The following CDH18 variants were observed in gnomAD, a reference collection of about 807,000 sequenced individuals.
CDH18 encodes the protein cadherin 18, also known as cadherin-18.
Under a neutral mutation model 67.9 loss-of-function variants are expected in CDH18, and 31 were observed. The ratio of observed to expected loss-of-function variants is 0.46; its 90% confidence interval spans 0.34 to 0.62. The LOEUF is 0.62. Ranked by LOEUF, CDH18 falls within the 20% of genes least tolerant of loss-of-function variation. CDH18 has a pLI of 0.01. For synonymous variants in CDH18, 362 were observed against 347.2 expected (o/e 1.04, Z -0.48); for missense variants, 890 against 975.5 (o/e 0.91, Z 1.17).
At chr5:20,485,446 T>A (rs537542871) in intron 1 of CDH18, among the ~76,000 whole-genome samples, 144 of 152,310 alleles carry the variant, frequency 9.5e-4, no homozygotes, top group Non-Finnish European at 1.6e-3. Context: ...CAAGAACATA[T>A]ACTTGTGGAA....
chr5:20,178,075 T>C (rs1737382069), intron 2 of CDH18, among the ~76,000 whole-genome samples: 2 of 152,154 alleles, frequency 1.3e-5, no homozygotes, highest in African/African-American at 4.8e-5. Context: ...ACAAAAAGGA[T>C]GACTCTTTCT....
At chr5:20,572,186 C>A (rs886383734) in intron 1 of CDH18, among the ~76,000 whole-genome samples, 2 of 151,054 alleles carry the variant, frequency 1.3e-5, no homozygotes, top group African/African-American at 4.9e-5. Context: ...GTAAAACATT[C>A]TTTTATCTTC....
chr5:19,744,421 C>T (rs941760463), intron 4 of CDH18, among the ~76,000 whole-genome samples: 2 of 151,780 alleles, frequency 1.3e-5, no homozygotes, highest in Non-Finnish European at 2.9e-5. Context: ...GCAAAAATTA[C>T]TTTATGCCTT....
At chr5:19,846,078 T>C (rs952868426) in intron 2 of CDH18, among the ~76,000 whole-genome samples, 5 of 152,096 alleles carry the variant, frequency 3.3e-5, no homozygotes, top group African/African-American at 4.8e-5. Context: ...GCTATTTTTA[T>C]CCCTGTTTTC....
rs559024209 is a variant in CDH18, at chr5:20,016,037, T to C, written c.-517-24023A>G. Among the ~76,000 whole-genome samples, 91 of 152,184 alleles carry C rather than the reference T, an allele frequency of 6.0e-4. No individual in the cohort carries two copies. The Middle Eastern group carries it at 0.014, about 23-fold the overall frequency. On this transcript the variant is annotated intron_variant, in intron 2 of 14. Transcript: ENST00000507958. ...TGTATATTCATTGCAGCACTATTTA[T>C]AACAGCCAAAACAATGAATCAATCT...
intron 1 of CDH18, among the ~76,000 whole-genome samples, chr5:20,344,970 C>A (rs184461648): frequency 6.6e-6 from 1 of 152,136 alleles, no homozygotes; most frequent in African/African-American, 2.4e-5. Context: ...CTGCCCTTGC[C>A]AGCAATTAAT....
At chr5:20,273,689 C>T (rs1745601257) in intron 1 of CDH18, among the ~76,000 whole-genome samples, 1 of 152,052 alleles carries the variant, frequency 6.6e-6, no homozygotes, top group African/African-American at 2.4e-5. Flanking sequence ...GCTACTATTT[C>T]TTGGCTTATC....
chr5:19,980,355 C>T (rs547555345), intron 2 of CDH18, among the ~76,000 whole-genome samples: 1 of 152,066 alleles, frequency 6.6e-6, no homozygotes, highest in Admixed American at 6.6e-5. Flanking sequence ...TACATAAATA[C>T]ATACATCAGA....
At chr5:20,220,186 C>A (rs1741112400) in intron 2 of CDH18, among the ~76,000 whole-genome samples, 1 of 151,710 alleles carries the variant, frequency 6.6e-6, no homozygotes, top group African/African-American at 2.4e-5. Flanking sequence ...GCAAAAAGAG[C>A]AAAACGGGAG....
At chr5:19,797,804 T>A (rs1777014681) in intron 3 of CDH18, among the ~76,000 whole-genome samples, 1 of 152,106 alleles carries the variant, frequency 6.6e-6, no homozygotes, top group Non-Finnish European at 1.5e-5. Flanking sequence ...AGCTTGAATT[T>A]TTTTTATAAA....
intron 3 of CDH18, among the ~76,000 whole-genome samples, chr5:19,766,200 G>T (rs772350470): frequency 1.3e-4 from 20 of 152,098 alleles, no homozygotes; most frequent in Admixed American, 2.6e-4. Flanking sequence ...CAATCGTAAA[G>T]TCCAAAGTAT....
At chr5:20,104,736 C>T (rs1426888655) in intron 2 of CDH18, among the ~76,000 whole-genome samples, 1 of 151,962 alleles carries the variant, frequency 6.6e-6, no homozygotes, top group African/African-American at 2.4e-5. Context: ...TGGTGAACTC[C>T]CTCATTGGTT....
intron 2 of CDH18, among the ~76,000 whole-genome samples, chr5:20,020,065 T>C (rs889122037): frequency 3.9e-5 from 6 of 152,176 alleles, no homozygotes; most frequent in African/African-American, 1.2e-4. Flanking sequence ...GCCCCTGCTC[T>C]AGGGATCTGT....
At chr5:19,625,458 A>G (rs1751396746) in intron 5 of CDH18, among the ~76,000 whole-genome samples, 1 of 151,886 alleles carries the variant, frequency 6.6e-6, no homozygotes, top group Non-Finnish European at 1.5e-5. Context: ...CTGAGTGATT[A>G]CAAAAAAAAA....
upstream of CDH18, among the ~76,000 whole-genome samples, chr5:19,990,700 T>A (rs972664295): frequency 6.6e-6 from 1 of 152,188 alleles, no homozygotes; most frequent in African/African-American, 2.4e-5. Context: ...CAATTTTCCC[T>A]AGCCATTGAA....
intron 5 of CDH18, among the ~76,000 whole-genome samples, chr5:19,718,569 C>T (rs1765623704): frequency 6.6e-6 from 1 of 151,966 alleles, no homozygotes; most frequent in Non-Finnish European, 1.5e-5. Context: ...TTTGTGAAGA[C>T]TAATGAACAT....
At chr5:20,244,430 A>C (rs148131945) in intron 2 of CDH18, among the ~76,000 whole-genome samples, 1,711 of 152,196 alleles carry the variant, frequency 0.011, 34 homozygotes, top group African/African-American at 0.039. Context: ...TCTTGAACTC[A>C]ATGTCTCCAG....
At chr5:20,123,937 T>A (rs1748601240) in intron 2 of CDH18, among the ~76,000 whole-genome samples, 1 of 149,704 alleles carries the variant, frequency 6.7e-6, no homozygotes, top group African/African-American at 2.5e-5. Context: ...AAAATGAATA[T>A]GATATCTACT....
chr5:19,537,799 T>A (rs555652171), intron 9 of CDH18, among the ~76,000 whole-genome samples: 1 of 152,206 alleles, frequency 6.6e-6, no homozygotes, highest in African/African-American at 2.4e-5. Context: ...ATTCTCAATA[T>A]CCCTGGTGTC....
Sources: gnomAD v4.1 joint callset for allele counts (sites outside exome capture counted in the v4.1 genomes callset) on GRCh38, gnomAD v4.1.1 for gene constraint, MANE v1.5 for transcripts, NCBI Gene and HGNC (gene_info 2026-07-23, HGNC 2026-07-21) for gene names.